Variants in CUX2 observed in about 807,000 individuals in gnomAD.
CUX2 encodes the protein homeobox protein cut-like 2.
In CUX2, 40 loss-of-function variants were observed where a neutral mutation model predicts 144.8. The observed-to-expected ratio is 0.28, with a 90% CI of 0.21 to 0.36. The LOEUF is 0.36. Among genes scored for constraint, CUX2 ranks in the 10% least tolerant of loss-of-function variants. The pLI is 1.00. For synonymous variants in CUX2, 827 were observed against 875.6 expected, an observed-to-expected ratio of 0.94 and a Z score of 0.98; for missense variants, 1,615 against 1,994.0, an observed-to-expected ratio of 0.81 and a Z score of 3.62.
chr12:111,305,692 G>A (rs1472070180), intron 10 of CUX2, among the ~76,000 whole-genome samples: 1 of 152,100 alleles, frequency 6.6e-6, no homozygotes, highest in East Asian at 1.9e-4. Context: ...TATGTGTAAA[G>A]TGCCTAAAAT....
At chr12:111,271,574 T>C (rs936758314) in intron 4 of CUX2, among the ~76,000 whole-genome samples, 1 of 152,222 alleles carries the variant, frequency 6.6e-6, no homozygotes. Context: ...CTATTGGTAC[T>C]GTGCTGTACC....
intron 1 of CUX2, among the ~76,000 whole-genome samples, chr12:111,103,161 A>C (rs1285408274): frequency 6.6e-6 from 1 of 152,072 alleles, no homozygotes; most frequent in Non-Finnish European, 1.5e-5. Context: ...CTTTGAGCAA[A>C]AGGTCTGGTG....
At chr12:111,111,603 T>C (rs536604820) in intron 1 of CUX2, among the ~76,000 whole-genome samples, 13 of 152,302 alleles carry the variant, frequency 8.5e-5, no homozygotes, top group Non-Finnish European at 1.5e-4. Flanking sequence ...AACTTCAGCA[T>C]GCATAAGAAT....
chr12:111,306,737 T>C (rs556375804), intron 10 of CUX2, among the ~76,000 whole-genome samples, 184 bp from the exon 11 acceptor site: 9 of 152,308 alleles, frequency 5.9e-5, no homozygotes, highest in African/African-American at 2.2e-4. Context: ...TGTAACTTAA[T>C]ACATAAGGAA....
At position 111,312,049 on chromosome 12, in the gene CUX2, G is replaced by C. The variant is rs771075230; in HGVS notation, c.1901-51G>C. The C allele has an allele frequency of 1.3e-6, 2 of 1,532,096 alleles. No homozygotes were observed. Among genetic ancestry groups the C allele is most frequent in the South Asian group, 1.1e-5 (1 of 87,088 alleles). The allele number at this position is 1,532,096 out of a possible 1,614,324, so 94.9% of individuals were successfully genotyped here. On this transcript the variant is annotated intron_variant, in intron 15 of 21. Transcript: ENST00000261726. The surrounding 1 kb of genome is among the most constrained non-coding windows in gnomAD (Gnocchi z 4.3). ...CCCCCCTACCCCACCAGGCTCCGGA[G>C]ACTGAGCCCAACATGCAGATCCTGC...
At chr12:111,101,620 G>A (rs1413775608) in intron 1 of CUX2, among the ~76,000 whole-genome samples, 1 of 152,192 alleles carries the variant, frequency 6.6e-6, no homozygotes, top group African/African-American at 2.4e-5. Flanking sequence ...GAAGATGGTC[G>A]CGCCAGTGCC....
intron 18 of CUX2, among the ~76,000 whole-genome samples, chr12:111,331,061 G>A (rs898486979): frequency 1.3e-4 from 19 of 151,796 alleles, no homozygotes; most frequent in African/African-American, 4.4e-4. Context: ...TTAGAGAGGA[G>A]CCTAGATGTT....
Position 111,137,349 on chromosome 12 carries a change from A to T in CUX2, c.64-76851A>T, listed in dbSNP as rs145435529. Among the ~76,000 whole-genome samples, 395 of 148,636 alleles carry T rather than the reference A, an allele frequency of 2.7e-3. 2 individuals carry two copies. The highest frequency in any genetic ancestry group is 6.9e-3 in the Middle Eastern group (2 of 288). On this transcript the variant is annotated intron_variant, in intron 1 of 21. Transcript: ENST00000261726. The stretch of plus-strand genomic sequence containing the variant: ...TAGTGCTGTCACCTCTCTTCTGCTG[A>T]TGTTGTTGTTGTTGTTTGTTGATGT...
At chr12:111,097,686 G>A (rs954576398) in intron 1 of CUX2, among the ~76,000 whole-genome samples, 5 of 152,206 alleles carry the variant, frequency 3.3e-5, no homozygotes, top group African/African-American at 1.2e-4. Context: ...TCTCACAGCA[G>A]CAGGTCCTGC....
intron 3 of CUX2, among the ~76,000 whole-genome samples, chr12:111,232,622 TC>T (rs1406729180): frequency 6.6e-6 from 1 of 152,224 alleles, no homozygotes; most frequent in Non-Finnish European, 1.5e-5. Flanking sequence ...CCTCAGGGTG[TC>T]CTGAAATCAA....
Position 111,240,396 on chromosome 12 carries a change from A to AC in CUX2, c.222+22464dup, listed in dbSNP as rs980528974. Among the ~76,000 whole-genome samples the AC allele has an allele frequency of 3.9e-5, 6 of 152,104 alleles. No individual in the cohort carries two copies. In the South Asian group the frequency reaches 6.2e-4, roughly 16 times the overall value. ...TGCCCCATAGACTTTGGTGGAAGGT[A>AC]CCCCCTGACAGCAGCTGCTTACCTT... is the stretch of plus-strand genomic sequence containing the variant. On this transcript the variant is annotated intron_variant, in intron 3 of 21. Transcript: ENST00000261726.
rs1033589767 is a variant in CUX2, at chr12:111,050,014, A to T, written c.63+15774A>T. ...CCACCTCCCATTCTGCAGAGGAGGAAACTGAGGCAAAAGGGTATATGAAGG... is the reference window on the plus strand; with the variant it reads ...CCACCTCCCATTCTGCAGAGGAGGATACTGAGGCAAAAGGGTATATGAAGG... On this transcript the variant is annotated intron_variant, in intron 1 of 21. Coordinates refer to ENST00000261726, the MANE Select transcript of CUX2 (RefSeq NM_015267.4). 9.9e-5 allele frequency among the ~76,000 whole-genome samples: 15 copies of T among 152,220 alleles called. No homozygotes were observed. In the Middle Eastern group the frequency reaches 0.01, roughly 104 times the overall value.
chr12:111,328,941 ATCTCTCTCTC>A (rs1227047616), intron 18 of CUX2, among the ~76,000 whole-genome samples: 4 of 28,994 alleles, frequency 1.4e-4, no homozygotes, highest in Admixed American at 5.0e-4. Context: ...TGATTCACCT[ATCTCTCTCTC>A]TCTCTCTCTC....
rs1879500637 is a variant in CUX2 at position 111,185,944 on chromosome 12, T to G, written c.64-28256T>G. ...ATCCCTCCCTCCCTGTCTTTCTGTTTGTCTCTGTGCCTGTCTCTCTCTCCC... is the reference window on the plus strand; with the variant it reads ...ATCCCTCCCTCCCTGTCTTTCTGTTGGTCTCTGTGCCTGTCTCTCTCTCCC... On this transcript the variant is annotated intron_variant, in intron 1 of 21. Coordinates refer to ENST00000261726, the MANE Select transcript of CUX2 (RefSeq NM_015267.4). 2.0e-5 allele frequency among the ~76,000 whole-genome samples: 3 copies of G among 151,876 alleles called. No individual in the cohort carries two copies. The South Asian group carries it at 6.3e-4, about 32-fold the overall frequency.
intron 1 of CUX2, among the ~76,000 whole-genome samples, chr12:111,042,396 A>G (rs988098236): frequency 2.1e-4 from 32 of 152,124 alleles, no homozygotes; most frequent in African/African-American, 7.2e-4. Flanking sequence ...ACGAGTGTCT[A>G]TGGGTGCGGG....
chr12:111,316,500 A>T lies in CUX2; in HGVS notation c.2003-3512A>T, dbSNP rs1177784283. 3.1e-5 allele frequency among the ~76,000 whole-genome samples: 4 copies of T among 128,550 alleles called. No individual in the cohort carries two copies. In the Admixed American group the frequency reaches 3.5e-4, roughly 11 times the overall value. 84.3% of individuals were successfully genotyped at this position (128,550 alleles called of 152,430 possible). A position where few individuals can be genotyped will look rare whatever the true frequency, so the allele number is the denominator to read the frequency against. ...TCTTTAGCTCTGTCGCCCAGGCTGG[A>T]GTGCAGTGGTGTGATCTCGGCTCAC... is the stretch of plus-strand genomic sequence containing the variant. On this transcript the variant is annotated intron_variant, in intron 16 of 21. Coordinates refer to ENST00000261726, the MANE Select transcript of CUX2 (RefSeq NM_015267.4).
chr12:111,193,496 C>T (rs1880030983), intron 1 of CUX2, among the ~76,000 whole-genome samples: 1 of 152,220 alleles, frequency 6.6e-6, no homozygotes, highest in Non-Finnish European at 1.5e-5. Context: ...TAATAAGCCC[C>T]TTGATTAACT....
At chr12:111,072,610 T>G (rs988424669) in intron 1 of CUX2, among the ~76,000 whole-genome samples, 1 of 152,204 alleles carries the variant, frequency 6.6e-6, no homozygotes, top group African/African-American at 2.4e-5. Context: ...GTTGGGGGTA[T>G]GGGGTGCTAG....
At chr12:111,131,320 T>A (rs1474215288) in intron 1 of CUX2, among the ~76,000 whole-genome samples, 4 of 152,158 alleles carry the variant, frequency 2.6e-5, no homozygotes, top group Non-Finnish European at 5.9e-5. Flanking sequence ...GTGATTCCAT[T>A]ATCTCCCCCT....
Sources: gnomAD v4.1 joint callset for allele counts (sites outside exome capture counted in the v4.1 genomes callset) on GRCh38, gnomAD v4.1.1 for gene constraint, Gnocchi (gnomAD v3.1) non-coding constraint, MANE v1.5 for transcripts, NCBI Gene and HGNC (gene_info 2026-07-23, HGNC 2026-07-21) for gene names.